PPFIBP2: variants seen among roughly 807,000 people sequenced by gnomAD.
PPFIBP2 encodes liprin-beta-2.
A neutral mutation model predicts 118.3 loss-of-function variants in PPFIBP2; 118 were observed. The ratio of observed to expected loss-of-function variants is 1.00; its 90% CI spans 0.86 to 1.16. The LOEUF is 1.16. Among genes scored for constraint, PPFIBP2 ranks in the 50% most tolerant of loss-of-function variants. The probability of loss-of-function intolerance (pLI) is 0.00; values close to 1 mark genes in which losing one functional copy is unlikely to be tolerated. For missense variants in PPFIBP2, 1,195 were observed against 1,073.1 expected (o/e 1.11, Z -1.59); for synonymous variants, 414 against 397.4 (o/e 1.04, Z -0.50).
Position 7,653,222 on chromosome 11 carries a change from C to T in PPFIBP2, c.*4C>T, listed in dbSNP as rs750171035. ...CCAGGTGGGACAGATTAGCTGATGC[C>T]CTTGTCACCTGCCCTCTGTGCACCC... On this transcript the variant is annotated 3_prime_UTR_variant, in exon 24 of 24. Coordinates refer to ENST00000299492, the MANE Select transcript of PPFIBP2 (RefSeq NM_003621.5). The T allele has an allele frequency of 1.2e-6, 2 of 1,614,048 alleles. No individual in the cohort carries two copies. The highest frequency in any genetic ancestry group is 2.2e-5 in the East Asian group (1 of 44,874).
chr11:7,597,182 C>T lies in PPFIBP2; in HGVS notation c.373-378C>T, dbSNP rs374655137. 2.5e-3 allele frequency: 3,726 copies of T among 1,469,976 alleles called. 9 individuals carry two copies. The highest frequency in any genetic ancestry group is 3.1e-3 in the Non-Finnish European group (3,405 of 1,115,248). 91.1% of individuals were successfully genotyped at this position (1,469,976 alleles called of 1,614,324 possible). A position where few individuals can be genotyped will look rare whatever the true frequency, so the allele number is the denominator to read the frequency against. On this transcript the variant is annotated intron_variant, in intron 4 of 23. Transcript: ENST00000299492. ...ATGAAGTTTGGACCGCTCTTCCACA[C>T]GAGGTTGCAGAAGTGCTGGCAAGCC...
chr11:7,555,120 G>A (rs907852988), intron 2 of PPFIBP2, among the ~76,000 whole-genome samples: 9 of 152,094 alleles, frequency 5.9e-5, no homozygotes, highest in Admixed American at 4.6e-4. Context: ...ATTTTGCATG[G>A]AGCTTAATTT....
intron 1 of PPFIBP2, among the ~76,000 whole-genome samples, chr11:7,516,017 A>T (rs148940856): frequency 6.6e-6 from 1 of 152,166 alleles, no homozygotes; most frequent in Non-Finnish European, 1.5e-5. Flanking sequence ...TCATTTCCCT[A>T]TGTGTAGCAA....
At chr11:7,538,136 GC>G (rs1330871548) in intron 1 of PPFIBP2, 1 of 152,304 alleles carries the variant, frequency 6.6e-6, no homozygotes, top group African/African-American at 2.4e-5. Context: ...GGTCAGATGT[GC>G]TTTTGGGTGT....
chr11:7,604,142 C>T (rs1847028843), intron 5 of PPFIBP2, among the ~76,000 whole-genome samples: 1 of 152,000 alleles, frequency 6.6e-6, no homozygotes, highest in Non-Finnish European at 1.5e-5. Flanking sequence ...TTAAGGGCTC[C>T]AAGAATGTTT....
At chr11:7,626,483 C>T (rs1850028476) in intron 8 of PPFIBP2, among the ~76,000 whole-genome samples, 1 of 152,202 alleles carries the variant, frequency 6.6e-6, no homozygotes, top group Non-Finnish European at 1.5e-5. Context: ...TTATAACTTA[C>T]CAGTGTTGTG....
intron 4 of PPFIBP2, 126 bp downstream of exon 4, chr11:7,593,350 T>TA: frequency 7.4e-7 from 1 of 1,346,440 alleles, no homozygotes; most frequent in East Asian, 2.6e-5. Context: ...CCTATGTTTT[T>TA]AGAAAAGACT....
At chr11:7,579,578 G>A (rs1182617606) in intron 3 of PPFIBP2, among the ~76,000 whole-genome samples, 1 of 152,202 alleles carries the variant, frequency 6.6e-6, no homozygotes, top group Admixed American at 6.5e-5. Flanking sequence ...CATGTGCCTG[G>A]GATTGTCAGA....
intron 17 of PPFIBP2, among the ~76,000 whole-genome samples, chr11:7,647,792 C>A (rs1428615709): frequency 6.6e-6 from 1 of 152,214 alleles, no homozygotes; most frequent in Non-Finnish European, 1.5e-5. Context: ...TTATTTATCT[C>A]TAATACTGGC....
intron 6 of PPFIBP2, among the ~76,000 whole-genome samples, chr11:7,615,093 T>A (rs914783882): frequency 3.3e-5 from 5 of 152,100 alleles, no homozygotes; most frequent in Non-Finnish European, 7.4e-5. Context: ...CCCAGTACTT[T>A]GGGAGGCTGA....
intron 1 of PPFIBP2, among the ~76,000 whole-genome samples, chr11:7,528,038 G>A (rs1850378571): frequency 1.3e-5 from 2 of 152,174 alleles, no homozygotes; most frequent in Non-Finnish European, 2.9e-5. Flanking sequence ...CCTAGGTGGT[G>A]AGTGGCCAAA....
chr11:7,612,960 T>A (rs1848236080), intron 6 of PPFIBP2, among the ~76,000 whole-genome samples: 1 of 152,230 alleles, frequency 6.6e-6, no homozygotes. Context: ...GACATTTTGC[T>A]AAGGTCACCA....
At chr11:7,514,591 C>T (rs1315907193) in intron 1 of PPFIBP2, among the ~76,000 whole-genome samples, 1 of 152,218 alleles carries the variant, frequency 6.6e-6, no homozygotes, top group African/African-American at 2.4e-5. Context: ...TGCAGGGCCT[C>T]GGCTAAAGCC....
At chr11:7,549,934 C>T (rs1032023488) in intron 2 of PPFIBP2, among the ~76,000 whole-genome samples, 1 of 152,188 alleles carries the variant, frequency 6.6e-6, no homozygotes, top group Non-Finnish European at 1.5e-5. Flanking sequence ...TGTCAGCGTC[C>T]TCAGATGGTC....
chr11:7,632,858 C>G lies in PPFIBP2; in HGVS notation c.1069-9C>G. 1.2e-6 allele frequency: 2 copies of G among 1,611,098 alleles called. No homozygotes were observed. The highest frequency in any genetic ancestry group is 1.7e-6 in the Non-Finnish European group (2 of 1,177,288). ...GTCCTCTACCGTGACTCTTCTGTCT[C>G]TGGTGCAGATGCCTCCAAGATGTAG... is the stretch of plus-strand genomic sequence containing the variant. On this transcript the variant is annotated splice_polypyrimidine_tract_variant and intron_variant, in intron 11 of 23. Coordinates refer to ENST00000299492, the MANE Select transcript of PPFIBP2 (RefSeq NM_003621.5).
intron 3 of PPFIBP2, chr11:7,577,346 T>C (rs934924743): frequency 2.8e-4 from 94 of 330,846 alleles, no homozygotes; most frequent in Middle Eastern, 1.1e-3. Flanking sequence ...TGTGTGTGTG[T>C]GTGTGTTTGT....
chr11:7,583,782 T>G (rs1194210010), intron 3 of PPFIBP2, among the ~76,000 whole-genome samples: 2 of 152,226 alleles, frequency 1.3e-5, no homozygotes, highest in East Asian at 3.8e-4. Context: ...ATGGCCAGTT[T>G]ATCTTCAGGG....
At chr11:7,514,682 G>A (rs1849075461) in intron 1 of PPFIBP2, among the ~76,000 whole-genome samples, 1 of 152,340 alleles carries the variant, frequency 6.6e-6, no homozygotes, top group African/African-American at 2.4e-5. Flanking sequence ...GCAGGATGGG[G>A]ACGGTCCTAT....
At chr11:7,584,341 C>T (rs768594910) in intron 3 of PPFIBP2, among the ~76,000 whole-genome samples, 9 of 152,148 alleles carry the variant, frequency 5.9e-5, no homozygotes, top group Non-Finnish European at 1.2e-4. Context: ...ATGATAGCCT[C>T]ATCAGCAATA....
Sources: gnomAD v4.1 joint callset for allele counts (sites outside exome capture counted in the v4.1 genomes callset) on GRCh38, gnomAD v4.1.1 for gene constraint, MANE v1.5 for transcripts, NCBI Gene and HGNC (gene_info 2026-07-23, HGNC 2026-07-21) for gene names.